Variants in CHD1 observed in about 807,000 individuals in gnomAD.
CHD1 encodes chromodomain helicase DNA binding protein 1.
A neutral mutation model predicts 224.2 loss-of-function variants in CHD1; 36 were observed. That is an observed-to-expected ratio of 0.16 (90% CI 0.12 to 0.21). The LOEUF (loss-of-function observed/expected upper bound fraction) is 0.21, where lower values mean the gene tolerates loss of function less well. CHD1 is among the 10% of genes least tolerant of loss of function. The pLI is 1.00. For synonymous variants in CHD1, 668 were observed against 658.3 expected, an observed-to-expected ratio of 1.01 and a Z score of -0.23; for missense variants, 1,378 against 1,994.8, an observed-to-expected ratio of 0.69 and a Z score of 5.89.
chr5:98,920,618 G>A (rs1338233792), intron 2 of CHD1, among the ~76,000 whole-genome samples: 1 of 152,088 alleles, frequency 6.6e-6, no homozygotes, highest in Non-Finnish European at 1.5e-5. Context: ...CCAACACAGA[G>A]AAACCCTGTC....
chr5:98,886,282 T>C (rs1441664375), intron 17 of CHD1: 3 of 152,232 alleles, frequency 2.0e-5, no homozygotes, highest in Non-Finnish European at 2.9e-5. Context: ...TTTATTCACT[T>C]GGTATCTTGA....
At chr5:98,903,762 T>C (rs1751871482) in intron 4 of CHD1, 30 bp downstream of exon 4, 2 of 1,464,918 alleles carry the variant, frequency 1.4e-6, no homozygotes, top group African/African-American at 1.4e-5. Context: ...ATGTCCACTT[T>C]TAAAATAATA....
chr5:98,878,418 C>T (rs1241858628), intron 23 of CHD1, among the ~76,000 whole-genome samples: 1 of 152,222 alleles, frequency 6.6e-6, no homozygotes, highest in Non-Finnish European at 1.5e-5. Flanking sequence ...GGGGCAAGCC[C>T]CTCATTTGCC....
At chr5:98,857,349 T>C (rs1434853203) in intron 35 of CHD1, among the ~76,000 whole-genome samples, 1 of 151,972 alleles carries the variant, frequency 6.6e-6, no homozygotes, top group South Asian at 2.1e-4. Context: ...CACACACAAC[T>C]GTAACTATAT....
At position 98,899,463 on chromosome 5, in the gene CHD1, A is replaced by G; in HGVS notation, c.1085+17T>C. 1 of 1,413,622 alleles carries G rather than the reference A, an allele frequency of 7.1e-7. No individual in the cohort carries two copies. The highest frequency in any genetic ancestry group is 1.0e-6 in the Non-Finnish European group (1 of 1,001,814). 87.6% of individuals were successfully genotyped at this position (1,413,622 alleles called of 1,614,324 possible). ...TTTGAACTATTAAAAGAAGTATATG[A>G]TATACAGCATACTTACCATCTTTTT... On this transcript the variant is annotated intron_variant, in intron 8 of 35. Transcript: ENST00000614616.
chr5:98,919,746 T>C (rs1322156053), intron 2 of CHD1, among the ~76,000 whole-genome samples: 3 of 152,174 alleles, frequency 2.0e-5, no homozygotes, highest in African/African-American at 7.2e-5. Flanking sequence ...ATAATATGTA[T>C]ACAGACGTAA....
At chr5:98,874,448 G>T (rs946009366) in intron 25 of CHD1, among the ~76,000 whole-genome samples, 1 of 150,958 alleles carries the variant, frequency 6.6e-6, no homozygotes, top group African/African-American at 2.4e-5. Flanking sequence ...AAAAGGCTGG[G>T]TTAGCCTTTG....
chr5:98,917,834 A>G (rs1752837857), intron 2 of CHD1, among the ~76,000 whole-genome samples: 1 of 152,158 alleles, frequency 6.6e-6, no homozygotes, highest in African/African-American at 2.4e-5. Flanking sequence ...CTTCTGACTC[A>G]ACAGTCACCT....
At position 98,899,477 on chromosome 5, in the gene CHD1, T is replaced by C. The variant is rs1751554498; in HGVS notation, c.1085+3A>G. On this transcript the variant is annotated splice_donor_region_variant and intron_variant, in intron 8 of 35. Transcript: ENST00000614616. ...AGAAGTATATGATATACAGCATACT[T>C]ACCATCTTTTTGTTTCCTGATCTTT... 6.5e-7 allele frequency: 1 copy of C among 1,535,414 alleles called. No individual in the cohort carries two copies. Among genetic ancestry groups the C allele is most frequent in the African/African-American group, 1.4e-5 (1 of 73,152 alleles).
intron 2 of CHD1, among the ~76,000 whole-genome samples, chr5:98,925,952 C>T (rs1052567613): frequency 4.6e-5 from 7 of 151,258 alleles, no homozygotes; most frequent in African/African-American, 1.7e-4. Flanking sequence ...GTATAGAAGA[C>T]AAAATGCCAG....
intron 32 of CHD1, chr5:98,860,788 A>G (rs891612614): frequency 3.9e-5 from 6 of 152,242 alleles, no homozygotes; most frequent in Non-Finnish European, 8.8e-5. Context: ...TAGAGGTATA[A>G]TATTTACCTT....
chr5:98,906,107 C>T (rs1580485745), intron 2 of CHD1, among the ~76,000 whole-genome samples: 1 of 152,044 alleles, frequency 6.6e-6, no homozygotes, highest in Non-Finnish European at 1.5e-5. Context: ...TTTTCCAGAG[C>T]AAGAATTTAG....
At chr5:98,900,281 C>CAAAAA (rs77593613) in intron 7 of CHD1, among the ~76,000 whole-genome samples, 1 of 92,578 alleles carries the variant, frequency 1.1e-5, no homozygotes. Flanking sequence ...GATTCTGTCA[C>CAAAAA]AAAAAAAAAA....
intron 35 of CHD1, among the ~76,000 whole-genome samples, chr5:98,856,932 G>A (rs772864446): frequency 2.6e-5 from 4 of 151,998 alleles, no homozygotes; most frequent in Admixed American, 6.6e-5. Flanking sequence ...AAACTAAAGC[G>A]AACCATACAA....
At chr5:98,887,373 GTGTTC>G (rs1309977822) in intron 17 of CHD1, among the ~76,000 whole-genome samples, 18 of 152,044 alleles carry the variant, frequency 1.2e-4, no homozygotes, top group South Asian at 2.1e-4. Flanking sequence ...CAGGGATTGT[GTGTTC>G]AGTCCCATTA....
chr5:98,925,004 C>A (rs1480071103), intron 2 of CHD1, among the ~76,000 whole-genome samples: 2 of 151,772 alleles, frequency 1.3e-5, no homozygotes, highest in Non-Finnish European at 2.9e-5. Context: ...AAAGAAAAGT[C>A]CAAGTTTCAG....
chr5:98,908,876 G>C (rs1378365409), intron 2 of CHD1, among the ~76,000 whole-genome samples: 1 of 152,042 alleles, frequency 6.6e-6, no homozygotes, highest in East Asian at 1.9e-4. Context: ...TAGGTACTGT[G>C]ATAAAATTAT....
chr5:98,871,365 T>A (rs1749318152), intron 28 of CHD1, among the ~76,000 whole-genome samples: 1 of 101,432 alleles, frequency 9.9e-6, no homozygotes, highest in Non-Finnish European at 1.9e-5. Context: ...TTTCCCATTT[T>A]AGGCAAAAAA....
At chr5:98,889,378 C>T in intron 15 of CHD1, 140 bp from the exon 16 acceptor site, 1 of 587,844 alleles carries the variant, frequency 1.7e-6, no homozygotes, top group Non-Finnish European at 2.9e-6. Flanking sequence ...GCTGTATATA[C>T]AACGGACCAA....
Sources: gnomAD v4.1 joint callset for allele counts (sites outside exome capture counted in the v4.1 genomes callset) on GRCh38, gnomAD v4.1.1 for gene constraint, MANE v1.5 for transcripts, NCBI Gene and HGNC (gene_info 2026-07-23, HGNC 2026-07-21) for gene names.